Variants in DLG1 observed in about 807,000 individuals in gnomAD.
DLG1 encodes discs large MAGUK scaffold protein 1.
In DLG1, 42 loss-of-function variants were observed where a neutral mutation model predicts 123.4. The ratio of observed to expected loss-of-function variants is 0.34; its 90% confidence interval spans 0.27 to 0.44. The LOEUF is 0.44. Ranked by LOEUF, DLG1 falls within the 20% of genes least tolerant of loss-of-function variation. The pLI, the probability that DLG1 is intolerant of heterozygous loss-of-function variation, is 1.00. For synonymous variants in DLG1, 317 were observed against 356.2 expected (o/e 0.89, Z 1.24); for missense variants, 942 against 1,082.6 (o/e 0.87, Z 1.82).
chr3:197,130,667 T>C lies in DLG1; in HGVS notation c.1025A>G (p.Asn342Ser). 6.3e-7 allele frequency: 1 copy of C among 1,593,032 alleles called. No homozygotes were observed. The highest frequency in any genetic ancestry group is 8.5e-7 in the Non-Finnish European group (1 of 1,172,106). The part of the protein sequence containing the change: ...LQIGDKLLAV[N>S]NVCLEEVTHE... ...AGTAACTTCTTCTAAACATACGTTA[T>C]TCACCTAAAAAAAGTCCCAAAAGAC... The change falls in exon 11 of 25, where the codon AAT becomes AGT. Residue 342 changes from asparagine to serine, a missense_variant. Physicochemically the swap from Asn to Ser is conservative, Grantham distance 46 (BLOSUM62 1). Coordinates refer to ENST00000667157, the MANE Select transcript of DLG1 (RefSeq NM_001366207.1).
chr3:197,066,536 C>T (rs1260651827), intron 20 of DLG1, among the ~76,000 whole-genome samples, 168 bp downstream of exon 20: 1 of 152,020 alleles, frequency 6.6e-6, no homozygotes, highest in Non-Finnish European at 1.5e-5. Flanking sequence ...TTCTAATATT[C>T]TGTGGAGTAA....
In DLG1 at chr3:197,054,490, ATTCT is replaced by A. The variant is rs1413124827; in HGVS notation, c.2484-2826_2484-2823del. ...TGTATCTTTAAGTTAAAACTTGTTG[ATTCT>A]TTCTTCTGTCTGCTCAAATCTCCCT... On this transcript the variant is annotated intron_variant, in intron 23 of 24. Transcript: ENST00000667157. Among the ~76,000 whole-genome samples the A allele has an allele frequency of 3.3e-5, 5 of 152,170 alleles. No homozygotes were observed. The East Asian group carries it at 9.7e-4, about 29-fold the overall frequency.
chr3:197,278,085 G>A (rs1174136543), intron 4 of DLG1, among the ~76,000 whole-genome samples: 1 of 151,706 alleles, frequency 6.6e-6, no homozygotes, highest in East Asian at 1.9e-4. Context: ...AAGAGTTTGA[G>A]ACCAGCCTGG....
intron 5 of DLG1, among the ~76,000 whole-genome samples, chr3:197,176,693 C>A (rs937382181): frequency 2.0e-5 from 3 of 152,098 alleles, no homozygotes; most frequent in Non-Finnish European, 4.4e-5. Context: ...CACACTTTAT[C>A]CATGCACACA....
chr3:197,083,880 G>A (rs760291032), intron 16 of DLG1, among the ~76,000 whole-genome samples: 6 of 152,144 alleles, frequency 3.9e-5, no homozygotes, highest in Non-Finnish European at 8.8e-5. Context: ...TAGCTGAGGT[G>A]GGGGGATAGC....
chr3:197,180,901 A>T (rs921490534), intron 5 of DLG1, among the ~76,000 whole-genome samples: 1 of 152,204 alleles, frequency 6.6e-6, no homozygotes, highest in Non-Finnish European at 1.5e-5. Context: ...AATGGAATAA[A>T]AATTAATTAA....
chr3:197,194,437 A>C lies in DLG1; in HGVS notation c.471T>G (p.Ile157Met). 1 of 1,587,848 alleles carries C rather than the reference A, an allele frequency of 6.3e-7. No homozygotes were observed. The highest frequency in any genetic ancestry group is 8.5e-7 in the Non-Finnish European group (1 of 1,169,646). Residue 157 changes from isoleucine to methionine, a missense_variant, in exon 5 of 25, where the codon ATT (isoleucine) becomes ATG (methionine). Physicochemically the swap from Ile to Met is conservative, Grantham distance 10. Transcript: ENST00000667157. ...GATACTATCCTACCTTTATTGGTGA[A>C]ATATGAGAATGAGAAACAAATCCAT... ...NVHGFVSHSH[I>M]SPIKANPPPV... is the part of the protein sequence containing the mutation.
At chr3:197,072,190 G>A (rs896370145) in intron 18 of DLG1, among the ~76,000 whole-genome samples, 8 of 151,646 alleles carry the variant, frequency 5.3e-5, no homozygotes, top group East Asian at 1.9e-4. Context: ...ATTTTACCAC[G>A]GTTTTTTTTA....
intron 18 of DLG1, chr3:197,075,940 T>A: frequency 7.2e-7 from 1 of 1,389,164 alleles, no homozygotes; most frequent in Non-Finnish European, 1.0e-6. Flanking sequence ...CAGTAATGCA[T>A]AAAATTGGTG....
intron 4 of DLG1, among the ~76,000 whole-genome samples, chr3:197,241,514 C>A (rs983670127): frequency 1.3e-5 from 2 of 152,018 alleles, no homozygotes; most frequent in East Asian, 1.9e-4. Flanking sequence ...ACACAAAAAA[C>A]CCAAAATACT....
intron 5 of DLG1, among the ~76,000 whole-genome samples, chr3:197,154,534 G>A (rs1395560968): frequency 4.6e-5 from 7 of 151,916 alleles, no homozygotes; most frequent in Admixed American, 4.6e-4. Flanking sequence ...AATTAGCCGG[G>A]CGTGGCGGCA....
intron 5 of DLG1, among the ~76,000 whole-genome samples, chr3:197,157,570 T>G (rs946462862): frequency 3.3e-5 from 5 of 151,010 alleles, no homozygotes; most frequent in Admixed American, 2.0e-4. Context: ...GGAAGGGATC[T>G]GTGGTCATAG....
chr3:197,183,557 C>T, intron 5 of DLG1: 2 of 1,544,074 alleles, frequency 1.3e-6, no homozygotes, highest in Non-Finnish European at 1.8e-6. Context: ...AAAATAATTT[C>T]AACAAGTGGT....
In DLG1 at chr3:197,139,801, C is replaced by T. The variant is rs546042513; in HGVS notation, c.713+339G>A. On this transcript the variant is annotated intron_variant, in intron 8 of 24. Coordinates refer to ENST00000667157, the MANE Select transcript of DLG1 (RefSeq NM_001366207.1). ...TAAATAAGTTTATACACATGTTTCC[C>T]AGCCAGAGAGGAAATGGAAAATATT... Among the ~76,000 whole-genome samples the T allele has an allele frequency of 2.6e-5, 4 of 151,984 alleles. No homozygotes were observed. In the South Asian group the frequency reaches 8.3e-4, roughly 32 times the overall value.
chr3:197,290,224 G>T (rs1774165925), intron 3 of DLG1, among the ~76,000 whole-genome samples: 1 of 152,176 alleles, frequency 6.6e-6, no homozygotes, highest in Non-Finnish European at 1.5e-5. Context: ...GAAGGCTCTT[G>T]TTTAGAATAA....
chr3:197,058,026 T>C (rs562588116), intron 23 of DLG1, among the ~76,000 whole-genome samples: 9 of 152,204 alleles, frequency 5.9e-5, no homozygotes, highest in African/African-American at 1.9e-4. Flanking sequence ...GTCACCAGGC[T>C]GGAGTGCAGT....
rs1051818187 is a variant in DLG1, at chr3:197,065,364, A to G, written c.2285T>C (p.Ile762Thr). 1.2e-6 allele frequency: 2 copies of G among 1,613,376 alleles called. No homozygotes were observed. The highest frequency in any genetic ancestry group is 1.7e-6 in the Non-Finnish European group (2 of 1,179,746). ...VTSREQMEKD[I>T]QEHKFIEAGQ... is the part of the protein sequence containing the mutation. ...AGCTTCAATGAATTTATGTTCCTGG[A>G]TATCTTTTTCCATCTGCTCTCTTGA... Residue 762 changes from isoleucine to threonine, a missense_variant, in exon 22 of 25, where the codon ATC becomes ACC. Ile to Thr is a moderately conservative substitution (Grantham distance 89). Coordinates refer to ENST00000667157, the MANE Select transcript of DLG1 (RefSeq NM_001366207.1).
intron 15 of DLG1, among the ~76,000 whole-genome samples, chr3:197,088,496 C>A (rs866098498): frequency 6.6e-6 from 1 of 152,090 alleles, no homozygotes; most frequent in East Asian, 1.9e-4. Context: ...CACACCTTTT[C>A]GCAGGAATTT....
intron 5 of DLG1, chr3:197,183,666 G>A: frequency 6.4e-7 from 1 of 1,550,560 alleles, no homozygotes; most frequent in South Asian, 1.2e-5. Context: ...TGAAGGTTCT[G>A]GCTCAGCTTG....
Sources: allele counts gnomAD v4.1 joint callset (sites outside exome capture counted in the v4.1 genomes callset), GRCh38; gene constraint gnomAD v4.1.1; transcripts MANE v1.5; gene names NCBI Gene and HGNC (gene_info 2026-07-23, HGNC 2026-07-21).